The following C8orf34 variants were observed in gnomAD, a reference collection of about 807,000 sequenced individuals.
The protein encoded by C8orf34 is chromosome 8 open reading frame 34.
A neutral mutation model predicts 68.3 loss-of-function variants in C8orf34; 65 were observed. The observed-to-expected ratio is 0.95, with a 90% CI of 0.78 to 1.17. C8orf34 has a LOEUF of 1.17. Among genes scored for constraint, C8orf34 ranks in the 50% most tolerant of loss-of-function variants. The pLI is 0.00. For missense variants in C8orf34, 664 were observed against 655.4 expected, an observed-to-expected ratio of 1.01 and a Z score of -0.14; for synonymous variants, 244 against 241.2, an observed-to-expected ratio of 1.01 and a Z score of -0.11.
chr8:68,595,039 G>A (rs1396433061), intron 7 of C8orf34, among the ~76,000 whole-genome samples: 3 of 149,044 alleles, frequency 2.0e-5, no homozygotes, highest in East Asian at 2.0e-4. Context: ...GCTTGCTCTC[G>A]CTCCCCTTTG....
In C8orf34 at chr8:68,776,463, T is replaced by G. The variant is rs1157818407; in HGVS notation, c.1455+14T>G. The G allele has an allele frequency of 1.9e-6, 3 of 1,607,342 alleles. No individual in the cohort carries two copies. The highest frequency in any genetic ancestry group is 2.6e-6 in the Non-Finnish European group (3 of 1,174,218). On this transcript the variant is annotated intron_variant, in intron 11 of 13. Transcript: ENST00000518698. ...TACATGGAAGAAGTGAGTTTTAAGG[T>G]TGCTTTATAATGTAGTCTGAAATCA...
intron 1 of C8orf34, among the ~76,000 whole-genome samples, chr8:68,370,544 G>T (rs1403856563): frequency 6.6e-6 from 1 of 152,176 alleles, no homozygotes; most frequent in Admixed American, 6.5e-5. Context: ...AGGGAAATGT[G>T]CTCTGGGCCT....
At chr8:68,526,088 G>T (rs1814973510) in intron 6 of C8orf34, among the ~76,000 whole-genome samples, 1 of 149,682 alleles carries the variant, frequency 6.7e-6, no homozygotes, top group Non-Finnish European at 1.5e-5. Context: ...CTCCTGAGAA[G>T]CTGGGACTAC....
intron 8 of C8orf34, among the ~76,000 whole-genome samples, chr8:68,658,635 A>G (rs1819581219): frequency 6.6e-6 from 1 of 152,044 alleles, no homozygotes; most frequent in Non-Finnish European, 1.5e-5. Flanking sequence ...TTTCTCTTAG[A>G]TGAATATTGA....
At chr8:68,631,681 G>T (rs917812008) in intron 7 of C8orf34, among the ~76,000 whole-genome samples, 3 of 152,132 alleles carry the variant, frequency 2.0e-5, no homozygotes, top group Non-Finnish European at 2.9e-5. Context: ...CCTGGTGGGA[G>T]GTGATTAAAT....
chr8:68,411,355 A>G (rs1809434518), intron 1 of C8orf34, among the ~76,000 whole-genome samples: 1 of 152,234 alleles, frequency 6.6e-6, no homozygotes, highest in Non-Finnish European at 1.5e-5. Context: ...TATATTTCAT[A>G]TGTAAAACTA....
intron 12 of C8orf34, 58 bp downstream of exon 12, chr8:68,787,594 A>G: frequency 1.6e-6 from 2 of 1,275,268 alleles, no homozygotes; most frequent in Non-Finnish European, 2.2e-6. Flanking sequence ...AATCCACAAT[A>G]AAGCTATTTC....
chr8:68,505,263 T>C (rs1247372029), intron 5 of C8orf34, among the ~76,000 whole-genome samples: 1 of 152,236 alleles, frequency 6.6e-6, no homozygotes, highest in Non-Finnish European at 1.5e-5. Context: ...GTACTTTTTA[T>C]TTACATTTTT....
intron 10 of C8orf34, among the ~76,000 whole-genome samples, chr8:68,773,715 A>G (rs1003148430): frequency 1.5e-4 from 23 of 151,960 alleles, no homozygotes; most frequent in African/African-American, 5.3e-4. Context: ...TATGCTCCTC[A>G]TTCACTGGTG....
chr8:68,597,211 T>G (rs1817569777), intron 7 of C8orf34, among the ~76,000 whole-genome samples: 1 of 152,042 alleles, frequency 6.6e-6, no homozygotes, highest in Non-Finnish European at 1.5e-5. Context: ...GAAGGCAGGA[T>G]ACCCCCTTGG....
At chr8:68,484,920 A>G (rs1208919082) in intron 4 of C8orf34, among the ~76,000 whole-genome samples, 1 of 152,246 alleles carries the variant, frequency 6.6e-6, no homozygotes, top group Non-Finnish European at 1.5e-5. Flanking sequence ...CAAAATATGT[A>G]AATTTTAAGA....
At chr8:68,346,112 A>G (rs944236923) in intron 1 of C8orf34, among the ~76,000 whole-genome samples, 2 of 152,154 alleles carry the variant, frequency 1.3e-5, no homozygotes, top group African/African-American at 2.4e-5. Context: ...TTCAATATGT[A>G]TGTAGAACTG....
chr8:68,546,905 A>G (rs1471922860), intron 7 of C8orf34, among the ~76,000 whole-genome samples: 1 of 151,798 alleles, frequency 6.6e-6, no homozygotes, highest in Non-Finnish European at 1.5e-5. Flanking sequence ...TACAACACAT[A>G]AAATCTCTGG....
chr8:68,766,403 T>G (rs1823177079), intron 10 of C8orf34, among the ~76,000 whole-genome samples: 1 of 152,208 alleles, frequency 6.6e-6, no homozygotes, highest in Admixed American at 6.5e-5. Context: ...TACAGGTACT[T>G]TACAAATTCC....
chr8:68,698,961 G>A (rs1820912280), intron 8 of C8orf34, among the ~76,000 whole-genome samples: 1 of 152,010 alleles, frequency 6.6e-6, no homozygotes, highest in Non-Finnish European at 1.5e-5. Context: ...GGATGGGAAG[G>A]GAAAGGCCTC....
intron 4 of C8orf34, among the ~76,000 whole-genome samples, chr8:68,480,701 C>G (rs1000061406): frequency 5.4e-4 from 82 of 152,248 alleles, no homozygotes; most frequent in African/African-American, 1.9e-3. Flanking sequence ...TATATTTTAG[C>G]AAAGAGACTG....
intron 1 of C8orf34, among the ~76,000 whole-genome samples, chr8:68,414,151 T>C (rs1310311263): frequency 3.3e-5 from 5 of 152,188 alleles, no homozygotes; most frequent in Non-Finnish European, 7.4e-5. Context: ...GATCACCCTA[T>C]GTAATATATT....
intron 7 of C8orf34, among the ~76,000 whole-genome samples, chr8:68,560,819 C>T (rs776369265): frequency 7.2e-5 from 11 of 151,992 alleles, no homozygotes; most frequent in African/African-American, 2.4e-4. Flanking sequence ...GGTGAGTAAA[C>T]GTGAAGGCCT....
chr8:68,331,918 G>C (rs955597081), intron 1 of C8orf34, among the ~76,000 whole-genome samples: 18 of 148,484 alleles, frequency 1.2e-4, no homozygotes, highest in African/African-American at 4.5e-4. Flanking sequence ...CAGTCGGTGC[G>C]GGCGTGATGA....
Sources: gnomAD v4.1 joint callset for allele counts (sites outside exome capture counted in the v4.1 genomes callset) on GRCh38, gnomAD v4.1.1 for gene constraint, MANE v1.5 for transcripts, NCBI Gene and HGNC (gene_info 2026-07-23, HGNC 2026-07-21) for gene names.